WASHC4: variants seen among roughly 807,000 people sequenced by gnomAD.
WASHC4 encodes WASH complex subunit 4.
WASHC4 carries 86 observed loss-of-function variants against 166.6 expected under a neutral mutation model. That is an observed-to-expected ratio of 0.52 (90% CI 0.43 to 0.62). WASHC4 has a LOEUF of 0.62. Among genes scored for constraint, WASHC4 ranks in the 20% least tolerant of loss-of-function variants. The pLI is 0.00. For synonymous variants in WASHC4, 446 were observed against 451.6 expected, an observed-to-expected ratio of 0.99 and a Z score of 0.16; for missense variants, 1,262 against 1,382.4, an observed-to-expected ratio of 0.91 and a Z score of 1.38.
intron 13 of WASHC4, among the ~76,000 whole-genome samples, chr12:105,130,327 C>CTTCA (rs944570295): frequency 3.3e-5 from 5 of 152,202 alleles, no homozygotes; most frequent in Non-Finnish European, 4.4e-5. Context: ...CTGTAGTCTC[C>CTTCA]TTCACTAAAG....
intron 24 of WASHC4, chr12:105,148,903 A>T: frequency 1.0e-6 from 1 of 985,368 alleles, no homozygotes; most frequent in Non-Finnish European, 1.2e-6. Context: ...TTTTGACTTT[A>T]ATCTCAGCTC....
intron 4 of WASHC4, 48 bp downstream of exon 4, chr12:105,114,475 A>G: frequency 1.7e-6 from 2 of 1,208,322 alleles, no homozygotes; most frequent in Non-Finnish European, 2.4e-6. Context: ...ATCATTTAGA[A>G]GCAAGTATGT....
intron 7 of WASHC4, 43 bp from the exon 8 acceptor site, chr12:105,120,512 C>G: frequency 8.2e-7 from 1 of 1,218,678 alleles, no homozygotes; most frequent in Non-Finnish European, 1.2e-6. Flanking sequence ...TAAACTATGA[C>G]AAAAAGGAAG....
At chr12:105,115,591 C>T in intron 5 of WASHC4, 70 bp from the exon 6 acceptor site, 1 of 1,179,214 alleles carries the variant, frequency 8.5e-7, no homozygotes, top group Non-Finnish European at 1.3e-6. Context: ...AAAACTTTTC[C>T]CCCTTTTTTG....
intron 10 of WASHC4, among the ~76,000 whole-genome samples, chr12:105,125,198 T>C (rs889080805): frequency 1.3e-5 from 2 of 152,238 alleles, no homozygotes; most frequent in African/African-American, 2.4e-5. Flanking sequence ...TTGAATAACA[T>C]GCTTTTGAAG....
Position 105,168,341 on chromosome 12 carries a change from TG to T in WASHC4, c.*1412del, listed in dbSNP as rs1314191779. On this transcript the variant is annotated 3_prime_UTR_variant, in exon 33 of 33. Transcript: ENST00000332180. Reference sequence around the variant, plus strand: ...ACATGGCTTACAGAATTATGAACAGTGGATAGATTAAAGGCATTTAATATTT... The same window carrying T: ...ACATGGCTTACAGAATTATGAACAGTGATAGATTAAAGGCATTTAATATTT... The T allele has an allele frequency of 6.6e-6, 1 of 152,510 alleles. No individual in the cohort carries two copies. Among genetic ancestry groups the T allele is most frequent in the East Asian group, 1.9e-4 (1 of 5,204 alleles). The allele number at this position is 152,510 out of a possible 1,614,324, so 9.4% of individuals were successfully genotyped here.
chr12:105,115,780 A>AT (rs1880125287), intron 6 of WASHC4, 52 bp downstream of exon 6: 2 of 1,117,844 alleles, frequency 1.8e-6, no homozygotes, highest in Non-Finnish European at 2.7e-6. Flanking sequence ...GTTTGAGTAA[A>AT]TTACACAACA....
chr12:105,156,304 G>C (rs933611543), intron 26 of WASHC4, among the ~76,000 whole-genome samples: 1 of 152,110 alleles, frequency 6.6e-6, no homozygotes, highest in Non-Finnish European at 1.5e-5. Flanking sequence ...AGAGTTCAGA[G>C]GAAGAGTCCA....
At chr12:105,166,743 G>T (rs1432285983) in intron 32 of WASHC4, 121 bp from the exon 33 acceptor site, 2 of 718,852 alleles carry the variant, frequency 2.8e-6, no homozygotes, top group East Asian at 5.5e-5. Context: ...AGAAACATTT[G>T]ATGGATGCAA....
At chr12:105,139,907 G>A (rs546211398) in intron 15 of WASHC4, among the ~76,000 whole-genome samples, 3 of 148,290 alleles carry the variant, frequency 2.0e-5, no homozygotes, top group South Asian at 2.1e-4. Context: ...TTTTTGAGAC[G>A]GAGTCTTGCT....
rs1393527627 is a variant in WASHC4, at chr12:105,137,942, C to T, written c.1383C>T (p.Tyr461=). The change falls in exon 15 of 33, where the codon TAC becomes TAT. Residue 461 remains tyrosine (Y), a synonymous_variant. Coordinates refer to ENST00000332180, the MANE Select transcript of WASHC4 (RefSeq NM_015275.3). ...TTATTAAAACCACAATGAATCTCTA[C>T]ATGTCCATGCAAAAGCCAATGACCA... ...STIIKTTMNL[Y]MSMQKPMTKT... 4 of 1,612,252 alleles carry T rather than the reference C, an allele frequency of 2.5e-6. No individual in the cohort carries two copies. The African/African-American group carries it at 4.0e-5, about 16-fold the overall frequency.
Position 105,133,685 on chromosome 12 carries a change from G to T in WASHC4, c.1200-85G>T, listed in dbSNP as rs186224783. On this transcript the variant is annotated intron_variant, in intron 13 of 32. Coordinates refer to ENST00000332180, the MANE Select transcript of WASHC4 (RefSeq NM_015275.3). ...AAACCAGAAAGATGAAATGACTGCT[G>T]CAGGGAAATAATGTACTGCAATCAG... 64 of 1,118,774 alleles carry T rather than the reference G, an allele frequency of 5.7e-5. No individual in the cohort carries two copies. The African/African-American group carries it at 8.4e-4, about 15-fold the overall frequency. 69.3% of individuals were successfully genotyped at this position (1,118,774 alleles called of 1,614,324 possible).
chr12:105,156,722 T>A lies in WASHC4; in HGVS notation c.2759-4T>A, dbSNP rs754031794. 4 of 1,607,110 alleles carry A rather than the reference T, an allele frequency of 2.5e-6. No homozygotes were observed. Among genetic ancestry groups the A allele is most frequent in the Middle Eastern group, 1.7e-4 (1 of 6,042 alleles). On this transcript the variant is annotated splice_polypyrimidine_tract_variant and splice_region_variant and intron_variant, in intron 26 of 32. Transcript: ENST00000332180. ...ATATCTGATTTTTTTGTGTGGTTTT[T>A]AAGGTAATGCTATGGGCTATGTACG...
chr12:105,165,405 GA>G (rs1346782215), intron 32 of WASHC4, among the ~76,000 whole-genome samples: 1 of 152,078 alleles, frequency 6.6e-6, no homozygotes, highest in Non-Finnish European at 1.5e-5. Context: ...TGAAATTTAG[GA>G]ATAATCATCT....
chr12:105,162,866 T>C, intron 30 of WASHC4, 21 bp downstream of exon 30: 1 of 1,265,550 alleles, frequency 7.9e-7, no homozygotes, highest in Non-Finnish European at 1.1e-6. Flanking sequence ...TGGAATTGTT[T>C]TTCCATTAAT....
intron 6 of WASHC4, among the ~76,000 whole-genome samples, chr12:105,118,143 C>G (rs1592847883): frequency 6.6e-6 from 1 of 151,976 alleles, no homozygotes; most frequent in Non-Finnish European, 1.5e-5. Flanking sequence ...AGTGGATATT[C>G]AAAGAAGGAA....
chr12:105,118,608 G>T (rs1220865083), intron 7 of WASHC4, 80 bp downstream of exon 7: 1 of 857,076 alleles, frequency 1.2e-6, no homozygotes, highest in Admixed American at 1.8e-5. Context: ...ACTTGTAATA[G>T]TTTTTCTTTC....
At chr12:105,133,677 T>C (rs1174765758) in intron 13 of WASHC4, 93 bp from the exon 14 acceptor site, 1 of 1,058,732 alleles carries the variant, frequency 9.4e-7, no homozygotes, top group Non-Finnish European at 1.5e-6. Flanking sequence ...AAAGATGAAA[T>C]GACTGCTGCA....
At chr12:105,113,039 T>G (rs1307521584) in intron 2 of WASHC4, among the ~76,000 whole-genome samples, 4 of 152,126 alleles carry the variant, frequency 2.6e-5, no homozygotes, top group African/African-American at 7.2e-5. Context: ...CTGGATAGAC[T>G]TAGTCTTACT....
Sources: gnomAD v4.1 joint callset for allele counts (sites outside exome capture counted in the v4.1 genomes callset) on GRCh38, gnomAD v4.1.1 for gene constraint, MANE v1.5 for transcripts, NCBI Gene and HGNC (gene_info 2026-07-23, HGNC 2026-07-21) for gene names.